ACOX3: variants seen among roughly 807,000 people sequenced by gnomAD.
ACOX3 encodes acyl-CoA oxidase 3, pristanoyl, also known as peroxisomal acyl-coenzyme A oxidase 3.
In ACOX3, 73 loss-of-function variants were observed where a neutral mutation model predicts 81.5. The observed-to-expected ratio is 0.90, with a 90% CI of 0.74 to 1.09. The LOEUF is 1.09. Ranked by LOEUF, ACOX3 falls within the 50% of genes least tolerant of loss-of-function variation. ACOX3 has a pLI of 0.00. For synonymous variants in ACOX3, 387 were observed against 375.1 expected (o/e 1.03, Z -0.37); for missense variants, 947 against 928.0 (o/e 1.02, Z -0.27).
At chr4:8,391,490 G>A (rs541805196) in intron 11 of ACOX3, among the ~76,000 whole-genome samples, 4 of 152,344 alleles carry the variant, frequency 2.6e-5, no homozygotes, top group South Asian at 4.1e-4. Flanking sequence ...CCTTCTTTGA[G>A]CAACCAGTTT....
intron 6 of ACOX3, among the ~76,000 whole-genome samples, chr4:8,409,993 C>CTG (rs1398581474): frequency 6.2e-5 from 9 of 145,882 alleles, no homozygotes; most frequent in African/African-American, 2.3e-4. Flanking sequence ...ACGGGGCTAT[C>CTG]TGCATTGTGG....
rs1270394788 is a variant in ACOX3, at chr4:8,386,562, T to A, written c.1537+2611A>T. Reference sequence around the variant, plus strand: ...GCCTGGGCGACAGAGCGAGACTCCGTCTCAAAAAAAAAAAAAAAAAGAAAG... The same window carrying A: ...GCCTGGGCGACAGAGCGAGACTCCGACTCAAAAAAAAAAAAAAAAAGAAAG... On this transcript the variant is annotated intron_variant, in intron 13 of 17. Coordinates refer to ENST00000356406, the MANE Select transcript of ACOX3 (RefSeq NM_003501.3). The surrounding 1 kb of genome is among the most constrained non-coding windows in gnomAD (Gnocchi z 5.2). Among the ~76,000 whole-genome samples the A allele has an allele frequency of 7.2e-6, 1 of 138,240 alleles. No individual in the cohort carries two copies. Among genetic ancestry groups the A allele is most frequent in the Non-Finnish European group, 1.5e-5 (1 of 65,362 alleles). 90.7% of individuals were successfully genotyped at this position (138,240 alleles called of 152,430 possible).
At position 8,381,872 on chromosome 4, in the gene ACOX3, A is replaced by T. The variant is rs752208140; in HGVS notation, c.1538-265T>A. 1.3e-5 allele frequency among the ~76,000 whole-genome samples: 2 copies of T among 152,218 alleles called. No homozygotes were observed. The highest frequency in any genetic ancestry group is 2.9e-5 in the Non-Finnish European group (2 of 68,040). ...GTTCTACACTGTTCCAGCAGCCTGGAGGCCACAGGAACACGGTGCCGCCGC... is the reference window on the plus strand; with the variant it reads ...GTTCTACACTGTTCCAGCAGCCTGGTGGCCACAGGAACACGGTGCCGCCGC... On this transcript the variant is annotated intron_variant, in intron 13 of 17. Coordinates refer to ENST00000356406, the MANE Select transcript of ACOX3 (RefSeq NM_003501.3). This position sits in a 1 kb window ranked among gnomAD's most constrained non-coding sequence, Gnocchi z 4.3.
At chr4:8,420,161 A>G (rs1007574522) in intron 1 of ACOX3, among the ~76,000 whole-genome samples, 4 of 152,240 alleles carry the variant, frequency 2.6e-5, no homozygotes, top group African/African-American at 9.6e-5. Context: ...TATCAAGCAC[A>G]GCTGGCTCCA....
downstream of ACOX3, among the ~76,000 whole-genome samples, chr4:8,364,062 T>C (rs542543732): frequency 4.6e-5 from 7 of 152,310 alleles, no homozygotes; most frequent in South Asian, 1.4e-3. This position sits in a 1 kb window ranked among gnomAD's most constrained non-coding sequence, Gnocchi z 5.0. Context: ...CTGAATTCTT[T>C]CTTGCATGAG....
At chr4:8,421,702 G>A (rs1438548553) in intron 1 of ACOX3, among the ~76,000 whole-genome samples, 1 of 152,178 alleles carries the variant, frequency 6.6e-6, no homozygotes, top group Non-Finnish European at 1.5e-5. Context: ...TCTACGCTGT[G>A]TCCTTAAGCA....
chr4:8,424,353 A>G (rs1248143751), intron 1 of ACOX3, among the ~76,000 whole-genome samples: 3 of 152,226 alleles, frequency 2.0e-5, no homozygotes, highest in Non-Finnish European at 4.4e-5. Flanking sequence ...TAAGCTTGCC[A>G]AAGGGGCAAG....
chr4:8,417,249 C>T (rs767951318), intron 1 of ACOX3, among the ~76,000 whole-genome samples: 8 of 152,234 alleles, frequency 5.3e-5, no homozygotes, highest in African/African-American at 9.6e-5. Flanking sequence ...GAGTCCTGGG[C>T]GTGGGCCGCC....
At chr4:8,369,553 C>T (rs1219066211) in intron 17 of ACOX3, among the ~76,000 whole-genome samples, 1 of 152,196 alleles carries the variant, frequency 6.6e-6, no homozygotes, top group Non-Finnish European at 1.5e-5. Context: ...GATGACCATC[C>T]CTGCCTCTCC....
Position 8,375,058 on chromosome 4 carries a change from G to C in ACOX3, c.1748C>G (p.Ser583Trp). The C allele has an allele frequency of 6.4e-7, 1 of 1,554,924 alleles. No individual in the cohort carries two copies. Among genetic ancestry groups the C allele is most frequent in the Admixed American group, 2.0e-5 (1 of 51,156 alleles). The change falls in exon 15 of 18, where the codon TCG becomes TGG. Residue 583 changes from serine (S) to tryptophan (W), a missense_variant. Coordinates refer to ENST00000356406, the MANE Select transcript of ACOX3 (RefSeq NM_003501.3). Reference sequence around the variant, plus strand: ...GAGCCGCCCCAGCACGGCCCGCAGCGAGGGCGGCACGGAAGGCTGGTGCAC... The same window carrying C: ...GAGCCGCCCCAGCACGGCCCGCAGCCAGGGCGGCACGGAAGGCTGGTGCAC... ...EHVHQPSVPP[S>W]LRAVLGRLSA...
In ACOX3 at chr4:8,399,249, G is replaced by A. The variant is rs147177963; in HGVS notation, c.873+307C>T. ...TTGTGGACAGTTCGCCAGGAGACCC[G>A]TCTCCTTCAAATCCTCAGGGAAGCA... On this transcript the variant is annotated intron_variant, in intron 8 of 17. Coordinates refer to ENST00000356406, the MANE Select transcript of ACOX3 (RefSeq NM_003501.3). This position sits in a 1 kb window ranked among gnomAD's most constrained non-coding sequence, Gnocchi z 4.9. 1.2e-3 allele frequency among the ~76,000 whole-genome samples: 189 copies of A among 152,262 alleles called. 3 individuals carry two copies. The highest frequency in any genetic ancestry group is 4.2e-3 in the African/African-American group (176 of 41,554).
chr4:8,379,522 C>G (rs1424295998), intron 14 of ACOX3, among the ~76,000 whole-genome samples: 4 of 152,210 alleles, frequency 2.6e-5, no homozygotes, highest in African/African-American at 9.6e-5. Flanking sequence ...TGCCGCAGCC[C>G]TCCGTGAAAT....
Position 8,432,812 on chromosome 4 carries a change from G to A in ACOX3, c.-15+7836C>T, listed in dbSNP as rs1724029286. Among the ~76,000 whole-genome samples the A allele has an allele frequency of 6.6e-6, 1 of 152,216 alleles. No homozygotes were observed. The highest frequency in any genetic ancestry group is 2.1e-4 in the South Asian group (1 of 4,828). ...ACAACTCAGAATGGAGGGGCTTTAA[G>A]GGTCCCAGGTGAGTGTCTCTAGTGC... On this transcript the variant is annotated intron_variant, in intron 1 of 17. Transcript: ENST00000356406. This position sits in a 1 kb window ranked among gnomAD's most constrained non-coding sequence, Gnocchi z 6.2.
rs758661910 is a variant in ACOX3, at chr4:8,400,012, C to T, written c.777-360G>A. On this transcript the variant is annotated intron_variant, in intron 7 of 17. Coordinates refer to ENST00000356406, the MANE Select transcript of ACOX3 (RefSeq NM_003501.3). This position sits in a 1 kb window ranked among gnomAD's most constrained non-coding sequence, Gnocchi z 4.4. Reference sequence around the variant, plus strand: ...CTGTAATCCCAGCACTTTGGGAGGCCGAGGTGGGTGGATCACCTCAGGTCA... The same window carrying T: ...CTGTAATCCCAGCACTTTGGGAGGCTGAGGTGGGTGGATCACCTCAGGTCA... Among the ~76,000 whole-genome samples, 4 of 151,974 alleles carry T rather than the reference C, an allele frequency of 2.6e-5. No individual in the cohort carries two copies. Among genetic ancestry groups the T allele is most frequent in the Non-Finnish European group, 4.4e-5 (3 of 67,998 alleles).
At chr4:8,387,255 G>A (rs150944743) in intron 13 of ACOX3, among the ~76,000 whole-genome samples, 33 of 152,338 alleles carry the variant, frequency 2.2e-4, no homozygotes, top group African/African-American at 3.4e-4. Flanking sequence ...TACCATCCCC[G>A]TCCCCGTGCT....
Position 8,382,749 on chromosome 4 carries a change from T to C in ACOX3, c.1538-1142A>G, listed in dbSNP as rs921781769. Among the ~76,000 whole-genome samples, 1 of 151,796 alleles carries C rather than the reference T, an allele frequency of 6.6e-6. No individual in the cohort carries two copies. Among genetic ancestry groups the C allele is most frequent in the African/African-American group, 2.4e-5 (1 of 41,326 alleles). On this transcript the variant is annotated intron_variant, in intron 13 of 17. Transcript: ENST00000356406. This position sits in a 1 kb window ranked among gnomAD's most constrained non-coding sequence, Gnocchi z 4.1. ...GGCTCACACCTGTAATCCCAGCACT[T>C]TGGGAGGCAGAGGCGGGCGGATCAC...
the ACOX3 span, among the ~76,000 whole-genome samples, chr4:8,358,818 A>G: frequency 2.0e-5 from 3 of 152,334 alleles, no homozygotes; most frequent in East Asian, 5.8e-4. Context: ...GCATATCATC[A>G]AGAAATAACC....
chr4:8,416,676 C>T lies in ACOX3; in HGVS notation c.-14-141G>A. ...AAAAGGATGGCAAAAGAGAATCACT[C>T]TGTGAATGGCTAGCATCATTTTCCC... On this transcript the variant is annotated intron_variant, in intron 1 of 17. Coordinates refer to ENST00000356406, the MANE Select transcript of ACOX3 (RefSeq NM_003501.3). This position sits in a 1 kb window ranked among gnomAD's most constrained non-coding sequence, Gnocchi z 4.2. The T allele has an allele frequency of 1.1e-6, 1 of 949,660 alleles. No individual in the cohort carries two copies. Among genetic ancestry groups the T allele is most frequent in the East Asian group, 2.8e-5 (1 of 35,972 alleles). The allele number at this position is 949,660 out of a possible 1,614,324, so 58.8% of individuals were successfully genotyped here. A position where few individuals can be genotyped will look rare whatever the true frequency, so the allele number is the denominator to read the frequency against.
chr4:8,418,349 C>G (rs1722560963), intron 1 of ACOX3, among the ~76,000 whole-genome samples: 1 of 151,498 alleles, frequency 6.6e-6, no homozygotes, highest in South Asian at 2.1e-4. Flanking sequence ...ATCCCAGCTA[C>G]TCAGGAGGCT....
Sources: gnomAD v4.1 joint callset for allele counts (sites outside exome capture counted in the v4.1 genomes callset) on GRCh38, gnomAD v4.1.1 for gene constraint, Gnocchi (gnomAD v3.1) non-coding constraint, MANE v1.5 for transcripts, NCBI Gene and HGNC (gene_info 2026-07-23, HGNC 2026-07-21) for gene names.